Variants in GM2A observed in about 807,000 individuals in gnomAD.
The protein encoded by GM2A is ganglioside GM2 activator.
A neutral mutation model predicts 12.9 loss-of-function variants in GM2A; 7 were observed. That is an observed-to-expected ratio of 0.54 (90% confidence interval 0.31 to 1.02). The LOEUF is 1.02. Among genes scored for constraint, GM2A ranks in the 50% least tolerant of loss-of-function variants. GM2A has a pLI of 0.05. For synonymous variants in GM2A, 101 were observed against 96.0 expected (o/e 1.05, Z -0.30); for missense variants, 246 against 241.0 (o/e 1.02, Z -0.14).
intron 1 of GM2A, among the ~76,000 whole-genome samples, chr5:151,259,465 G>T (rs1411614838): frequency 6.6e-6 from 1 of 152,140 alleles, no homozygotes; most frequent in Non-Finnish European, 1.5e-5. Context: ...GGCCAATTAG[G>T]TCAGTCTCCT....
Position 151,268,927 on chromosome 5 carries a change from G to A in GM2A, c.*1476G>A. ...CCCTCCACAGGGCCAAAGCCATAGT[G>A]TCCGGTCCCAAGGACAAGGCTCTTC... On this transcript the variant is annotated 3_prime_UTR_variant, in exon 4 of 4. Coordinates refer to ENST00000357164, the MANE Select transcript of GM2A (RefSeq NM_000405.5). 1.0e-6 allele frequency: 1 copy of A among 985,418 alleles called. No individual in the cohort carries two copies. Among genetic ancestry groups the A allele is most frequent in the Non-Finnish European group, 1.2e-6 (1 of 829,938 alleles). The allele number at this position is 985,418 out of a possible 1,614,324, so 61.0% of individuals were successfully genotyped here.
At chr5:151,253,968 T>C (rs1184489032) in intron 1 of GM2A, among the ~76,000 whole-genome samples, 2 of 152,250 alleles carry the variant, frequency 1.3e-5, no homozygotes, top group African/African-American at 2.4e-5. Context: ...TCCTGGCTTA[T>C]TGCAGCTAGC....
At chr5:151,266,707 CT>C in intron 2 of GM2A, 23 bp from the exon 3 acceptor site, 1 of 1,600,288 alleles carries the variant, frequency 6.2e-7, no homozygotes. Context: ...TTTTTCAAAC[CT>C]TTGTTTTATT....
chr5:151,270,371 A>G lies in GM2A; in HGVS notation c.*2920A>G. The stretch of plus-strand genomic sequence containing the variant: ...ATTTGACTACATGAAGATAATAAAA[A>G]TGCTTAGTAAAAACACAATAAAATC... On this transcript the variant is annotated 3_prime_UTR_variant, in exon 4 of 4. Coordinates refer to ENST00000357164, the MANE Select transcript of GM2A (RefSeq NM_000405.5). 1 of 398,728 alleles carries G rather than the reference A, an allele frequency of 2.5e-6. No homozygotes were observed. The highest frequency in any genetic ancestry group is 4.4e-6 in the Non-Finnish European group (1 of 226,176). The allele number at this position is 398,728 out of a possible 1,614,324, so 24.7% of individuals were successfully genotyped here.
At chr5:151,257,515 C>G (rs976867449) in intron 1 of GM2A, among the ~76,000 whole-genome samples, 1 of 152,152 alleles carries the variant, frequency 6.6e-6, no homozygotes, top group African/African-American at 2.4e-5. Flanking sequence ...CTATGTTGCC[C>G]TCCAGCCTGA....
In GM2A at chr5:151,269,647, C is replaced by T. The variant is rs1753968394; in HGVS notation, c.*2196C>T. 1 of 178,750 alleles carries T rather than the reference C, an allele frequency of 5.6e-6. No individual in the cohort carries two copies. Among genetic ancestry groups the T allele is most frequent in the South Asian group, 1.9e-4 (1 of 5,374 alleles). 11.1% of individuals were successfully genotyped at this position (178,750 alleles called of 1,614,324 possible). A position where few individuals can be genotyped will look rare whatever the true frequency, so the allele number is the denominator to read the frequency against. On this transcript the variant is annotated 3_prime_UTR_variant, in exon 4 of 4. Transcript: ENST00000357164. ...AGACTTTCCTATTATCTAAAGCAGGCATCTGGTTCCAGATTTCTTTTCCCC... is the reference window on the plus strand; with the variant it reads ...AGACTTTCCTATTATCTAAAGCAGGTATCTGGTTCCAGATTTCTTTTCCCC...
chr5:151,268,922 A>G lies in GM2A; in HGVS notation c.*1471A>G. The G allele has an allele frequency of 4.1e-6, 4 of 985,456 alleles. No homozygotes were observed. The highest frequency in any genetic ancestry group is 4.8e-6 in the Non-Finnish European group (4 of 829,942). The allele number at this position is 985,456 out of a possible 1,614,324, so 61.0% of individuals were successfully genotyped here. A position where few individuals can be genotyped will look rare whatever the true frequency, so the allele number is the denominator to read the frequency against. On this transcript the variant is annotated 3_prime_UTR_variant, in exon 4 of 4. Transcript: ENST00000357164. ...TTTCTCCCTCCACAGGGCCAAAGCC[A>G]TAGTGTCCGGTCCCAAGGACAAGGC...
rs1017326559 is a variant in GM2A at position 151,253,428 on chromosome 5, G to A, written c.81+131G>A. The A allele has an allele frequency of 2.5e-5, 18 of 717,720 alleles. No individual in the cohort carries two copies. In the African/African-American group the frequency reaches 3.1e-4, roughly 13 times the overall value. The allele number at this position is 717,720 out of a possible 1,614,324, so 44.5% of individuals were successfully genotyped here. A position where few individuals can be genotyped will look rare whatever the true frequency, so the allele number is the denominator to read the frequency against. ...GTTCTCTGCACTAGAGCCTTCCAAA[G>A]TAACTAATTATGGGATTCTGGTCTG... On this transcript the variant is annotated intron_variant, in intron 1 of 3. Transcript: ENST00000357164.
chr5:151,259,988 T>C (rs1459689067), intron 2 of GM2A, 72 bp downstream of exon 2: 3 of 1,154,008 alleles, frequency 2.6e-6, no homozygotes, highest in Admixed American at 2.2e-5. Context: ...GCATGTATGC[T>C]TGGGGAACTG....
chr5:151,256,203 T>C (rs932840428), intron 1 of GM2A, among the ~76,000 whole-genome samples: 8 of 152,310 alleles, frequency 5.3e-5, no homozygotes, highest in African/African-American at 1.9e-4. Context: ...ATAGACTCTA[T>C]AGTGCTGTAT....
At chr5:151,260,573 G>A (rs147611557) in intron 2 of GM2A, among the ~76,000 whole-genome samples, 3,042 of 152,132 alleles carry the variant, frequency 0.02, 89 homozygotes, top group African/African-American at 0.07. Context: ...AGCCAGGATC[G>A]CACCACTGCA....
Position 151,268,743 on chromosome 5 carries a change from C to T in GM2A, c.*1292C>T. Reference sequence around the variant, plus strand: ...AAAAATCCAGATTTGTATATGAAATCTTACCATTTTAAAAGATTGGCAGCT... The same window carrying T: ...AAAAATCCAGATTTGTATATGAAATTTTACCATTTTAAAAGATTGGCAGCT... On this transcript the variant is annotated 3_prime_UTR_variant, in exon 4 of 4. Coordinates refer to ENST00000357164, the MANE Select transcript of GM2A (RefSeq NM_000405.5). The T allele has an allele frequency of 1.6e-6, 1 of 626,640 alleles. No homozygotes were observed. 38.8% of individuals were successfully genotyped at this position (626,640 alleles called of 1,614,324 possible). A position where few individuals can be genotyped will look rare whatever the true frequency, so the allele number is the denominator to read the frequency against.
At chr5:151,266,669 G>A in intron 2 of GM2A, 62 bp from the exon 3 acceptor site, 1 of 1,258,050 alleles carries the variant, frequency 7.9e-7, no homozygotes, top group Non-Finnish European at 1.2e-6. Context: ...GAGCTGGTAT[G>A]TTTGCCCTGG....
intron 1 of GM2A, among the ~76,000 whole-genome samples, chr5:151,254,765 A>G (rs1753653515): frequency 6.6e-6 from 1 of 152,226 alleles, no homozygotes; most frequent in South Asian, 2.1e-4. Flanking sequence ...AGCCTATTTC[A>G]TAATAAAGTG....
In GM2A at chr5:151,267,437, CTAAAGG is replaced by C; in HGVS notation, c.569_574del (p.Leu190_Gly192delinsArg). 1 of 1,614,124 alleles carries C rather than the reference CTAAAGG, an allele frequency of 6.2e-7. No homozygotes were observed. The highest frequency in any genetic ancestry group is 8.5e-7 in the Non-Finnish European group (1 of 1,179,964). On this transcript the variant is annotated inframe_deletion, in exon 4 of 4. Coordinates refer to ENST00000357164, the MANE Select transcript of GM2A (RefSeq NM_000405.5). ...GGGCTGCATCAAGATCGCTGCCTCT[CTAAAGG>C]GCATATAACATGGCATCTGCCACAG...
chr5:151,259,989 T>C (rs1369266386), intron 2 of GM2A, 73 bp downstream of exon 2: 2 of 1,127,348 alleles, frequency 1.8e-6, no homozygotes, highest in Non-Finnish European at 2.6e-6. Context: ...CATGTATGCT[T>C]GGGGAACTGT....
intron 3 of GM2A, 70 bp from the exon 4 acceptor site, chr5:151,267,226 G>A: frequency 1.9e-6 from 3 of 1,606,380 alleles, no homozygotes; most frequent in Non-Finnish European, 2.6e-6. Flanking sequence ...TGCAATCCTA[G>A]CAGTGGCTCT....
chr5:151,260,426 T>A (rs1031428729), intron 2 of GM2A, among the ~76,000 whole-genome samples: 1 of 152,166 alleles, frequency 6.6e-6, no homozygotes, highest in Non-Finnish European at 1.5e-5. Context: ...GAGACCAGCC[T>A]GGCCAACATA....
At chr5:151,263,156 G>A (rs1416999655) in intron 2 of GM2A, among the ~76,000 whole-genome samples, 2 of 144,544 alleles carry the variant, frequency 1.4e-5, no homozygotes, top group South Asian at 2.2e-4. Context: ...GTAGTCGCGC[G>A]ATCATGGCTC....
Sources: allele counts gnomAD v4.1 joint callset (sites outside exome capture counted in the v4.1 genomes callset), GRCh38; gene constraint gnomAD v4.1.1; transcripts MANE v1.5; gene names NCBI Gene and HGNC (gene_info 2026-07-23, HGNC 2026-07-21).